Variants in NDST3 observed in about 807,000 individuals in gnomAD.
The protein encoded by NDST3 is N-deacetylase and N-sulfotransferase 3.
In NDST3, 58 loss-of-function variants were observed where a neutral mutation model predicts 96.1. That is an observed-to-expected ratio of 0.60 (90% CI 0.49 to 0.75). The LOEUF (loss-of-function observed/expected upper bound fraction) is 0.75. NDST3 is among the 30% of genes least tolerant of loss of function. The probability of loss-of-function intolerance (pLI) is 0.00; values close to 1 mark genes in which losing one functional copy is unlikely to be tolerated. For synonymous variants in NDST3, 333 were observed against 359.7 expected (o/e 0.93, Z 0.84); for missense variants, 788 against 1,034.2 (o/e 0.76, Z 3.27).
intron 6 of NDST3, among the ~76,000 whole-genome samples, chr4:118,179,652 GA>G (rs1349059684): frequency 6.6e-6 from 1 of 151,876 alleles, no homozygotes; most frequent in Admixed American, 6.6e-5. Flanking sequence ...AAATGAGCAA[GA>G]CTAATAAAAT....
At chr4:118,178,806 C>T (rs1173202631) in intron 6 of NDST3, among the ~76,000 whole-genome samples, 5 of 152,034 alleles carry the variant, frequency 3.3e-5, no homozygotes, top group Non-Finnish European at 7.4e-5. Flanking sequence ...ACCATCAGTG[C>T]ACAGGGATTC....
chr4:118,098,877 G>A (rs902013293), intron 2 of NDST3, among the ~76,000 whole-genome samples: 5 of 151,934 alleles, frequency 3.3e-5, no homozygotes, highest in East Asian at 1.9e-4. Context: ...AAAGTGTTAC[G>A]GCTCAATTTA....
intron 2 of NDST3, among the ~76,000 whole-genome samples, chr4:118,098,780 G>A (rs1035481786): frequency 1.3e-5 from 2 of 151,996 alleles, no homozygotes; most frequent in African/African-American, 4.8e-5. Context: ...ATACCAAGAA[G>A]GGTTTATATG....
At chr4:118,162,330 C>G (rs1292466231) in intron 6 of NDST3, among the ~76,000 whole-genome samples, 1 of 152,164 alleles carries the variant, frequency 6.6e-6, no homozygotes, top group Non-Finnish European at 1.5e-5. Context: ...GGAGGCATCA[C>G]GCTACCTGAC....
At chr4:118,095,553 G>GTTTT (rs11448394) in intron 2 of NDST3, among the ~76,000 whole-genome samples, 2 of 145,042 alleles carry the variant, frequency 1.4e-5, no homozygotes. Context: ...TGTACATTCT[G>GTTTT]TTTTTTTTTT....
chr4:118,107,494 A>G (rs192465974), intron 3 of NDST3, among the ~76,000 whole-genome samples: 249 of 152,306 alleles, frequency 1.6e-3, no homozygotes, highest in African/African-American at 5.7e-3. Flanking sequence ...AAAGCTCTCA[A>G]GATACACTGA....
intron 2 of NDST3, among the ~76,000 whole-genome samples, chr4:118,098,732 G>A (rs1160390390): frequency 6.6e-6 from 1 of 151,958 alleles, no homozygotes; most frequent in South Asian, 2.1e-4. Flanking sequence ...TAAGCATTCA[G>A]GTGAAGAATG....
At chr4:118,104,918 A>C (rs1730045367) in intron 2 of NDST3, 100 bp from the exon 3 acceptor site, 2 of 833,726 alleles carry the variant, frequency 2.4e-6, no homozygotes, top group Non-Finnish European at 3.9e-6. Flanking sequence ...CACATGTATA[A>C]GGAACTGGTT....
intron 6 of NDST3, among the ~76,000 whole-genome samples, chr4:118,219,211 CA>C (rs561227792): frequency 1.3e-3 from 195 of 152,014 alleles, no homozygotes; most frequent in Middle Eastern, 3.4e-3. Context: ...CATATGGAAC[CA>C]AAAAAGAGCC....
chr4:118,207,998 T>C (rs1738540697), intron 6 of NDST3, among the ~76,000 whole-genome samples: 1 of 144,486 alleles, frequency 6.9e-6, no homozygotes, highest in South Asian at 2.3e-4. Flanking sequence ...GAAACATTTA[T>C]AAACCCTAGT....
At chr4:118,037,969 G>A (rs923590336) in intron 1 of NDST3, among the ~76,000 whole-genome samples, 1 of 152,038 alleles carries the variant, frequency 6.6e-6, no homozygotes, top group African/African-American at 2.4e-5. Context: ...TCTGCAGATT[G>A]GCTGTCTTTC....
chr4:118,245,985 T>C (rs1741289681), intron 12 of NDST3, among the ~76,000 whole-genome samples: 1 of 152,116 alleles, frequency 6.6e-6, no homozygotes, highest in African/African-American at 2.4e-5. Flanking sequence ...GCACAGGATG[T>C]TAGAACCACA....
intron 2 of NDST3, among the ~76,000 whole-genome samples, chr4:118,061,036 G>T (rs1166536268): frequency 6.6e-6 from 1 of 152,112 alleles, no homozygotes; most frequent in African/African-American, 2.4e-5. Context: ...GTAAAGAGCA[G>T]ACAGTCATGC....
intron 2 of NDST3, among the ~76,000 whole-genome samples, chr4:118,087,816 C>G (rs1728551049): frequency 6.6e-6 from 1 of 152,188 alleles, no homozygotes; most frequent in Non-Finnish European, 1.5e-5. Flanking sequence ...CAAGGAGAGA[C>G]AGTTCCAAGC....
At chr4:118,123,625 T>C (rs1731790957) in intron 4 of NDST3, among the ~76,000 whole-genome samples, 1 of 152,160 alleles carries the variant, frequency 6.6e-6, no homozygotes, top group Non-Finnish European at 1.5e-5. Context: ...AATACCAACC[T>C]GGGCTGTGCA....
rs33926182 is a variant in NDST3 at position 118,213,574 on chromosome 4, A to AAT, written c.1540-10903_1540-10902dup. Among the ~76,000 whole-genome samples the AAT allele has an allele frequency of 7.2e-3, 1,084 of 150,452 alleles. 12 individuals are homozygous for AAT. The highest frequency in any genetic ancestry group is 0.022 in the African/African-American group (911 of 41,184). ...AAGATAAATTACTATTTAGCCATTA[A>AAT]ATATATATATATATACACATTTTAA... is the stretch of plus-strand genomic sequence containing the variant. On this transcript the variant is annotated intron_variant, in intron 6 of 13. Coordinates refer to ENST00000296499, the MANE Select transcript of NDST3 (RefSeq NM_004784.3).
intron 6 of NDST3, among the ~76,000 whole-genome samples, chr4:118,192,710 TG>T (rs1454835430): frequency 4.7e-5 from 7 of 147,528 alleles, no homozygotes; most frequent in Non-Finnish European, 7.6e-5. Flanking sequence ...TTGTTTTTTG[TG>T]GGTTTTTTTT....
At chr4:118,130,436 A>G (rs1023574810) in intron 4 of NDST3, among the ~76,000 whole-genome samples, 1 of 152,186 alleles carries the variant, frequency 6.6e-6, no homozygotes, top group Admixed American at 6.5e-5. Flanking sequence ...TTGCATAAAC[A>G]CAGAAAGAAA....
At chr4:118,138,031 A>G in intron 4 of NDST3, 23 bp from the exon 5 acceptor site, 2 of 1,562,196 alleles carry the variant, frequency 1.3e-6, no homozygotes, top group Admixed American at 2.0e-5. Context: ...TACACGCTCC[A>G]ATTAACATTT....
Sources: allele counts gnomAD v4.1 joint callset (sites outside exome capture counted in the v4.1 genomes callset), GRCh38; gene constraint gnomAD v4.1.1; transcripts MANE v1.5; gene names NCBI Gene and HGNC (gene_info 2026-07-23, HGNC 2026-07-21).